Variants in APBB2 observed in about 807,000 individuals in gnomAD.
The protein encoded by APBB2 is amyloid beta precursor protein binding family B member 2, also known as Fe65-like 1.
In APBB2, 38 loss-of-function variants were observed where a neutral mutation model predicts 82.5. The ratio of observed to expected loss-of-function variants is 0.46; its 90% CI spans 0.36 to 0.60. The LOEUF (loss-of-function observed/expected upper bound fraction) is 0.60. Ranked by LOEUF, APBB2 falls within the 20% of genes least tolerant of loss-of-function variation. The probability of loss-of-function intolerance (pLI) is 0.00; values close to 1 mark genes in which losing one functional copy is unlikely to be tolerated. For missense variants in APBB2, 772 were observed against 972.3 expected, an observed-to-expected ratio of 0.79 and a Z score of 2.74; for synonymous variants, 341 against 368.2, an observed-to-expected ratio of 0.93 and a Z score of 0.85.
At chr4:40,995,442 C>T (rs917549401) in intron 6 of APBB2, among the ~76,000 whole-genome samples, 5 of 151,850 alleles carry the variant, frequency 3.3e-5, no homozygotes, top group African/African-American at 1.2e-4. Context: ...GTGGCACCAT[C>T]ATAGTTTCAA....
intron 6 of APBB2, among the ~76,000 whole-genome samples, chr4:40,946,238 A>AT (rs1354756839): frequency 7.2e-6 from 1 of 138,116 alleles, no homozygotes. Context: ...TCTCCAAAAA[A>AT]AAAAAAAAAA....
intron 10 of APBB2, among the ~76,000 whole-genome samples, chr4:40,908,714 T>C (rs750588080): frequency 1.7e-4 from 26 of 152,190 alleles, no homozygotes; most frequent in Non-Finnish European, 3.2e-4. Flanking sequence ...GAGTGAGTAC[T>C]TCAAAGCCCA....
chr4:40,932,953 T>C (rs1157755830), intron 10 of APBB2, among the ~76,000 whole-genome samples: 4 of 152,202 alleles, frequency 2.6e-5, no homozygotes, highest in African/African-American at 4.8e-5. Context: ...AACCTCTGCC[T>C]CCTGGGTTCA....
chr4:40,848,711 C>A (rs930986701), intron 12 of APBB2, among the ~76,000 whole-genome samples: 1 of 152,066 alleles, frequency 6.6e-6, no homozygotes, highest in Admixed American at 6.5e-5. Flanking sequence ...AACCCCCACC[C>A]GCCCCACCGC....
At chr4:40,999,933 T>C (rs1266000881) in intron 6 of APBB2, among the ~76,000 whole-genome samples, 1 of 152,000 alleles carries the variant, frequency 6.6e-6, no homozygotes, top group East Asian at 1.9e-4. Flanking sequence ...GTGGTTCACA[T>C]CTATAATCCT....
At chr4:41,172,618 T>C (rs1768626273) in intron 1 of APBB2, among the ~76,000 whole-genome samples, 1 of 152,254 alleles carries the variant, frequency 6.6e-6, no homozygotes, top group Non-Finnish European at 1.5e-5. Flanking sequence ...GGTACAGTAC[T>C]TTGCACTTCA....
At chr4:41,054,869 T>A (rs1414359456) in intron 4 of APBB2, among the ~76,000 whole-genome samples, 1 of 152,172 alleles carries the variant, frequency 6.6e-6, no homozygotes, top group East Asian at 1.9e-4. Context: ...AAATGTGCTG[T>A]CTGCATGCTG....
chr4:40,937,194 T>G lies in APBB2; in HGVS notation c.1045-2055A>C, dbSNP rs944904417. Among the ~76,000 whole-genome samples the G allele has an allele frequency of 2.0e-5, 3 of 152,300 alleles. No individual in the cohort carries two copies. In the East Asian group the frequency reaches 5.8e-4, roughly 29 times the overall value. ...ATGAATTAGGAAGACCCAAGATAAT[T>G]GTGTCTTTGTGGAGAAATTTATAAA... On this transcript the variant is annotated intron_variant, in intron 7 of 17. Transcript: ENST00000508593.
At chr4:40,848,953 C>T (rs1758473546) in intron 12 of APBB2, 2 of 976,914 alleles carry the variant, frequency 2.0e-6, no homozygotes, top group Non-Finnish European at 2.4e-6. Context: ...GAAAGTAAAG[C>T]TCATGCGAGC....
chr4:41,123,284 T>G (rs1423280813), intron 2 of APBB2, among the ~76,000 whole-genome samples: 1 of 152,086 alleles, frequency 6.6e-6, no homozygotes, highest in Non-Finnish European at 1.5e-5. Flanking sequence ...TAAATATTTG[T>G]TGAATAAATG....
chr4:41,044,298 T>TA (rs1553921072), intron 4 of APBB2, among the ~76,000 whole-genome samples: 1,631 of 68,950 alleles, frequency 0.024, 22 homozygotes, highest in African/African-American at 0.075. Context: ...GCAGAACCAA[T>TA]ATTTTTTTTA....
chr4:40,949,137 G>C (rs1789342076), intron 6 of APBB2, among the ~76,000 whole-genome samples: 1 of 151,990 alleles, frequency 6.6e-6, no homozygotes, highest in African/African-American at 2.4e-5. Flanking sequence ...GGGCATGGTG[G>C]CAAACACCTG....
At chr4:41,156,788 G>A (rs1763565744) in intron 1 of APBB2, among the ~76,000 whole-genome samples, 1 of 152,042 alleles carries the variant, frequency 6.6e-6, no homozygotes, top group Non-Finnish European at 1.5e-5. Flanking sequence ...GAATCAGACG[G>A]GGCACAGTGG....
chr4:40,964,028 GT>G (rs1445205896), intron 6 of APBB2, among the ~76,000 whole-genome samples: 1 of 152,176 alleles, frequency 6.6e-6, no homozygotes, highest in African/African-American at 2.4e-5. Context: ...CAAGAATGCA[GT>G]TTCATCATGA....
At chr4:40,910,834 C>T (rs1778342152) in intron 10 of APBB2, among the ~76,000 whole-genome samples, 1 of 152,278 alleles carries the variant, frequency 6.6e-6, no homozygotes, top group Non-Finnish European at 1.5e-5. Context: ...TTAGTTTCCT[C>T]ATCTGCATCA....
chr4:40,994,075 G>C (rs1802922199), intron 6 of APBB2, among the ~76,000 whole-genome samples: 1 of 151,980 alleles, frequency 6.6e-6, no homozygotes, highest in Non-Finnish European at 1.5e-5. Context: ...AGATCACAAG[G>C]TCAGAAGATC....
chr4:41,063,040 C>T (rs1188426919), intron 4 of APBB2, among the ~76,000 whole-genome samples: 1 of 152,156 alleles, frequency 6.6e-6, no homozygotes, highest in Non-Finnish European at 1.5e-5. Context: ...TCCAAGAGCC[C>T]AAATGTTAGC....
At chr4:41,082,917 C>T (rs929634880) in intron 3 of APBB2, among the ~76,000 whole-genome samples, 1 of 151,994 alleles carries the variant, frequency 6.6e-6, no homozygotes, top group Non-Finnish European at 1.5e-5. Flanking sequence ...AATCCTAGCA[C>T]CTTGGGAGGC....
intron 10 of APBB2, among the ~76,000 whole-genome samples, chr4:40,912,272 C>G (rs557397701): frequency 7.7e-4 from 117 of 152,310 alleles, no homozygotes; most frequent in African/African-American, 2.6e-3. Flanking sequence ...CCACCGCAGC[C>G]TAAGGCCTAC....
Sources: gnomAD v4.1 joint callset for allele counts (sites outside exome capture counted in the v4.1 genomes callset) on GRCh38, gnomAD v4.1.1 for gene constraint, MANE v1.5 for transcripts, NCBI Gene and HGNC (gene_info 2026-07-23, HGNC 2026-07-21) for gene names.